The following GOSR1 variants were observed in gnomAD, a reference collection of about 807,000 sequenced individuals.
GOSR1 encodes the protein 28 kDa Golgi SNARE protein.
In GOSR1, 21 loss-of-function variants were observed where a neutral mutation model predicts 35.5. That is an observed-to-expected ratio of 0.59 (90% CI 0.42 to 0.85). The LOEUF (loss-of-function observed/expected upper bound fraction) is 0.85, where lower values mean the gene tolerates loss of function less well. Ranked by LOEUF, GOSR1 falls within the 40% of genes least tolerant of loss-of-function variation. GOSR1 has a pLI of 0.00. For synonymous variants in GOSR1, 94 were observed against 106.6 expected (o/e 0.88, Z 0.73); for missense variants, 285 against 309.6 (o/e 0.92, Z 0.60).
chr17:30,517,830 G>T (rs1053317820), intron 7 of GOSR1, among the ~76,000 whole-genome samples: 1 of 152,086 alleles, frequency 6.6e-6, no homozygotes, highest in African/African-American at 2.4e-5. Context: ...TGTGTCATTT[G>T]TTTAGAATAT....
At chr17:30,501,635 A>T (rs1967210205) in intron 6 of GOSR1, among the ~76,000 whole-genome samples, 1 of 151,918 alleles carries the variant, frequency 6.6e-6, no homozygotes, top group Non-Finnish European at 1.5e-5. Flanking sequence ...AGCTGGGATT[A>T]CAGGTGCGTG....
intron 8 of GOSR1, among the ~76,000 whole-genome samples, chr17:30,520,917 G>A (rs1309736609): frequency 6.6e-6 from 1 of 152,184 alleles, no homozygotes; most frequent in African/African-American, 2.4e-5. Flanking sequence ...AATTTACAGA[G>A]TGCTGTTATA....
chr17:30,518,737 TG>T (rs1360721748), intron 7 of GOSR1, among the ~76,000 whole-genome samples: 1 of 151,940 alleles, frequency 6.6e-6, no homozygotes, highest in Non-Finnish European at 1.5e-5. Flanking sequence ...GAGACCAGCC[TG>T]GGCAACATAG....
intron 4 of GOSR1, among the ~76,000 whole-genome samples, chr17:30,486,106 A>G (rs1914668075): frequency 6.6e-6 from 1 of 152,162 alleles, no homozygotes; most frequent in Non-Finnish European, 1.5e-5. Flanking sequence ...ATTGTGTTTA[A>G]AGAGAAAGCA....
chr17:30,477,930 C>T, intron 1 of GOSR1: 1 of 983,146 alleles, frequency 1.0e-6, no homozygotes, highest in Non-Finnish European at 1.2e-6. Context: ...TCCGGTCCGT[C>T]GGAGGAAGTA....
chr17:30,499,625 G>T (rs1368727579), intron 6 of GOSR1, among the ~76,000 whole-genome samples: 2 of 152,234 alleles, frequency 1.3e-5, no homozygotes, highest in East Asian at 3.8e-4. Context: ...ACAGGCGTGA[G>T]CCACTGTACC....
Position 30,524,743 on chromosome 17 carries a change from T to C in GOSR1, c.*2365T>C, listed in dbSNP as rs1161935933. ...TCAAGAAGCCACATATAAAAAGGCA[T>C]TGAGGGCTCACTGTCCAGAGAATTG... On this transcript the variant is annotated 3_prime_UTR_variant, in exon 9 of 9. Coordinates refer to ENST00000451249, the MANE Select transcript of GOSR1 (RefSeq NM_001007025.2). The C allele has an allele frequency of 2.0e-5, 3 of 152,194 alleles. No homozygotes were observed. Among genetic ancestry groups the C allele is most frequent in the Non-Finnish European group, 4.4e-5 (3 of 68,034 alleles). 9.4% of individuals were successfully genotyped at this position (152,194 alleles called of 1,614,324 possible).
chr17:30,510,126 A>G lies in GOSR1; in HGVS notation c.510-754A>G, dbSNP rs552422733. 9.9e-5 allele frequency among the ~76,000 whole-genome samples: 15 copies of G among 152,250 alleles called. 1 individual carries two copies. Among genetic ancestry groups the G allele is most frequent in the Admixed American group, 5.2e-4 (8 of 15,306 alleles). On this transcript the variant is annotated intron_variant, in intron 6 of 8. Transcript: ENST00000451249. ...TGCTCTATGGCCCAGGCTGGAGTGC[A>G]GTGGCATGATGATTTCGGCTCACTG...
At chr17:30,498,533 C>T (rs746871819) in intron 6 of GOSR1, among the ~76,000 whole-genome samples, 1 of 152,072 alleles carries the variant, frequency 6.6e-6, no homozygotes, top group Non-Finnish European at 1.5e-5. Context: ...TTAGAGAAGT[C>T]GAACATCTGA....
intron 6 of GOSR1, among the ~76,000 whole-genome samples, chr17:30,493,490 TAATAA>T (rs1169385696): frequency 3.3e-5 from 5 of 152,218 alleles, no homozygotes; most frequent in Admixed American, 6.5e-5. Flanking sequence ...ACTTGCTAGG[TAATAA>T]AATAACATTA....
chr17:30,477,938 G>C, intron 1 of GOSR1: 1 of 985,138 alleles, frequency 1.0e-6, no homozygotes, highest in Non-Finnish European at 1.2e-6. Flanking sequence ...GTCGGAGGAA[G>C]TATGAAGAGA....
At chr17:30,504,026 C>CT (rs535749512) in intron 6 of GOSR1, among the ~76,000 whole-genome samples, 2,962 of 137,220 alleles carry the variant, frequency 0.022, 48 homozygotes, top group Middle Eastern at 0.063. Context: ...TTTCATTTAA[C>CT]TTTTTTTTTT....
At chr17:30,514,441 C>T (rs1967726286) in intron 7 of GOSR1, among the ~76,000 whole-genome samples, 1 of 152,200 alleles carries the variant, frequency 6.6e-6, no homozygotes, top group South Asian at 2.1e-4. Context: ...GGACTGCCCA[C>T]ATCCAAAAAG....
intron 3 of GOSR1, 142 bp downstream of exon 3, chr17:30,484,443 T>G: frequency 1.5e-6 from 1 of 678,164 alleles, no homozygotes; most frequent in Non-Finnish European, 2.7e-6. Flanking sequence ...ACTTGAATTT[T>G]GATGACAGCC....
intron 6 of GOSR1, among the ~76,000 whole-genome samples, chr17:30,508,422 T>C (rs1485245685): frequency 6.6e-6 from 1 of 152,166 alleles, no homozygotes; most frequent in African/African-American, 2.4e-5. Flanking sequence ...AGCCAAACCA[T>C]TATATTGAAG....
At chr17:30,496,612 C>G (rs1967014570) in intron 6 of GOSR1, among the ~76,000 whole-genome samples, 1 of 152,186 alleles carries the variant, frequency 6.6e-6, no homozygotes, top group African/African-American at 2.4e-5. Context: ...ATTTGCCATC[C>G]ACCCTTGCAT....
At chr17:30,497,627 T>G (rs2143747418) in intron 6 of GOSR1, among the ~76,000 whole-genome samples, 1 of 152,300 alleles carries the variant, frequency 6.6e-6, no homozygotes, top group South Asian at 2.1e-4. Context: ...TATAGTGGTG[T>G]TAGAATAGAA....
intron 5 of GOSR1, 50 bp from the exon 6 acceptor site, chr17:30,492,629 A>G: frequency 9.2e-7 from 1 of 1,087,584 alleles, no homozygotes; most frequent in Non-Finnish European, 1.4e-6. Context: ...AGTCAATCTG[A>G]TTTTGTATTC....
At chr17:30,514,307 A>G (rs890976352) in intron 7 of GOSR1, among the ~76,000 whole-genome samples, 1 of 152,174 alleles carries the variant, frequency 6.6e-6, no homozygotes, top group Non-Finnish European at 1.5e-5. Context: ...TTACCCTAAA[A>G]TAATTTCCTC....
Sources: allele counts gnomAD v4.1 joint callset (sites outside exome capture counted in the v4.1 genomes callset), GRCh38; gene constraint gnomAD v4.1.1; transcripts MANE v1.5; gene names NCBI Gene and HGNC (gene_info 2026-07-23, HGNC 2026-07-21).